ZNF503: variants seen among roughly 807,000 people sequenced by gnomAD.
ZNF503 encodes the protein zinc finger protein 503.
ZNF503 carries 15 observed loss-of-function variants against 34.4 expected under a neutral mutation model. That is an observed-to-expected ratio of 0.44 (90% CI 0.29 to 0.67). The LOEUF (loss-of-function observed/expected upper bound fraction) is 0.67, where lower values mean the gene tolerates loss of function less well. ZNF503 is among the 30% of genes least tolerant of loss of function. The pLI is 0.13. For missense variants in ZNF503, 1,007 were observed against 926.8 expected (o/e 1.09, Z -1.12); for synonymous variants, 580 against 456.8 (o/e 1.27, Z -3.44).
chr10:75,360,619 A>C, the ZNF503 span: 1 of 152,290 alleles, frequency 6.6e-6, no homozygotes, highest in Non-Finnish European at 1.5e-5. Flanking sequence ...CTTCCCCCAC[A>C]GGTGGGCTTG....
chr10:75,372,534 C>T, the ZNF503 span, among the ~76,000 whole-genome samples: 2 of 152,242 alleles, frequency 1.3e-5, no homozygotes, highest in Non-Finnish European at 2.9e-5. Context: ...CAATGAACGA[C>T]TGTACCCCTA....
Position 75,400,210 on chromosome 10 carries a change from G to C in ZNF503, c.480C>G (p.Gly160=), listed in dbSNP as rs755360400. 6.9e-6 allele frequency: 11 copies of C among 1,603,974 alleles called. No homozygotes were observed. Among genetic ancestry groups the C allele is most frequent in the Non-Finnish European group, 9.4e-6 (11 of 1,176,432 alleles). Residue 160 remains glycine, a synonymous_variant, in exon 2 of 2, where the codon GGC becomes GGG. Transcript: ENST00000372524. ...CGCCGATGTCGCTCAGCTTCAGGGG[G>C]CCCGATTTGGTGTCCTTGTCGCCCG... is the stretch of plus-strand genomic sequence containing the variant. ...GAAGDKDTKS[G]PLKLSDIGVE...
the ZNF503 span, among the ~76,000 whole-genome samples, chr10:75,370,215 T>A: frequency 6.6e-6 from 1 of 152,164 alleles, no homozygotes; most frequent in African/African-American, 2.4e-5. Context: ...TTAAAAACAC[T>A]AAGCTAATAC....
At chr10:75,342,622 C>A in the ZNF503 span, among the ~76,000 whole-genome samples, 1 of 149,620 alleles carries the variant, frequency 6.7e-6, no homozygotes, top group African/African-American at 2.5e-5. Context: ...ACAAGTAAAG[C>A]TGACACTGGG....
the ZNF503 span, among the ~76,000 whole-genome samples, chr10:75,390,015 C>G: frequency 6.6e-6 from 1 of 152,078 alleles, no homozygotes; most frequent in Non-Finnish European, 1.5e-5. Context: ...ACCTCAGCCT[C>G]CAGAGTAGCT....
At chr10:75,316,350 CT>C in the ZNF503 span, among the ~76,000 whole-genome samples, 6,059 of 144,428 alleles carry the variant, frequency 0.042, 192 homozygotes, top group East Asian at 0.19. Context: ...TTTTCTTTTC[CT>C]TTTTTTTTTT....
the ZNF503 span, among the ~76,000 whole-genome samples, chr10:75,363,126 A>C: frequency 6.6e-6 from 1 of 151,888 alleles, no homozygotes; most frequent in Non-Finnish European, 1.5e-5. Flanking sequence ...CCTCTTAAGG[A>C]ATTGCTTTGC....
At chr10:75,293,619 C>G in the ZNF503 span, among the ~76,000 whole-genome samples, 3 of 151,960 alleles carry the variant, frequency 2.0e-5, no homozygotes, top group Admixed American at 1.3e-4. Context: ...GAGTGCCCCC[C>G]CCGTCCACTC....
At chr10:75,332,235 C>G in the ZNF503 span, among the ~76,000 whole-genome samples, 3 of 151,930 alleles carry the variant, frequency 2.0e-5, no homozygotes, top group African/African-American at 7.3e-5. Context: ...TACTTTTGCT[C>G]TATTTTCTCT....
the ZNF503 span, among the ~76,000 whole-genome samples, chr10:75,336,975 C>T: frequency 1.2e-4 from 18 of 152,262 alleles, 1 homozygote; most frequent in Admixed American, 8.5e-4. Flanking sequence ...TGGGTTAAGC[C>T]CACCCAGCTA....
At chr10:75,390,675 G>T in the ZNF503 span, among the ~76,000 whole-genome samples, 5 of 152,154 alleles carry the variant, frequency 3.3e-5, no homozygotes, top group Non-Finnish European at 5.9e-5. Flanking sequence ...GCAACAAGAG[G>T]GCTCTCTCTT....
the ZNF503 span, among the ~76,000 whole-genome samples, chr10:75,346,413 T>TTC: frequency 3.3e-5 from 5 of 152,124 alleles, no homozygotes; most frequent in East Asian, 9.6e-4. Context: ...TTTCTTTCCT[T>TTC]TCTCTCTTTC....
chr10:75,299,429 G>C, the ZNF503 span, among the ~76,000 whole-genome samples: 5 of 152,072 alleles, frequency 3.3e-5, no homozygotes, highest in African/African-American at 4.8e-5. Flanking sequence ...GAGTATTACT[G>C]TCGAATTATC....
the ZNF503 span, among the ~76,000 whole-genome samples, chr10:75,333,480 C>T: frequency 1.7e-4 from 10 of 57,782 alleles, no homozygotes; most frequent in East Asian, 6.2e-4. Flanking sequence ...ACCTCCCTCC[C>T]GGACGGGGTG....
chr10:75,369,516 C>T, the ZNF503 span, among the ~76,000 whole-genome samples: 1 of 152,190 alleles, frequency 6.6e-6, no homozygotes, highest in Non-Finnish European at 1.5e-5. Context: ...ATGTTTTCTT[C>T]CCCTTCCACC....
chr10:75,285,744 G>C, the ZNF503 span, among the ~76,000 whole-genome samples: 1 of 152,152 alleles, frequency 6.6e-6, no homozygotes. Flanking sequence ...ATTAAGCATT[G>C]ACCAGCACAC....
At chr10:75,363,229 C>T in the ZNF503 span, among the ~76,000 whole-genome samples, 5 of 152,196 alleles carry the variant, frequency 3.3e-5, no homozygotes, top group Non-Finnish European at 4.4e-5. Flanking sequence ...GCCCCCAGCC[C>T]GGGAGACAGG....
the ZNF503 span, among the ~76,000 whole-genome samples, chr10:75,352,121 T>C: frequency 0.78 from 118,826 of 151,980 alleles, 47,447 homozygotes; most frequent in African/African-American, 0.93. Flanking sequence ...TCCCCATTTG[T>C]CACTAACCCA....
In ZNF503 at chr10:75,399,961, G is replaced by T; in HGVS notation, c.729C>A (p.Ser243=). 6.2e-7 allele frequency: 1 copy of T among 1,606,544 alleles called. No individual in the cohort carries two copies. Among genetic ancestry groups the T allele is most frequent in the East Asian group, 2.2e-5 (1 of 44,816 alleles). Residue 243 remains serine, a synonymous_variant, in exon 2 of 2, where the codon TCC becomes TCA. Coordinates refer to ENST00000372524, the MANE Select transcript of ZNF503 (RefSeq NM_032772.6). ...ASACSPGGML[S]SAGGAPEGKD... is the part of the protein sequence containing the mutation. ...TGCCCTCCGGGGCACCCCCGGCCGA[G>T]GACAGCATACCTCCCGGCGAGCAGG...
Sources: gnomAD v4.1 joint callset for allele counts (sites outside exome capture counted in the v4.1 genomes callset) on GRCh38, gnomAD v4.1.1 for gene constraint, MANE v1.5 for transcripts, NCBI Gene and HGNC (gene_info 2026-07-23, HGNC 2026-07-21) for gene names.